The following ESR1 variants were observed in gnomAD, a reference collection of about 807,000 sequenced individuals.
The protein encoded by ESR1 is estrogen receptor.
ESR1 carries 12 observed loss-of-function variants against 52.7 expected under a neutral mutation model. The ratio of observed to expected loss-of-function variants is 0.23; its 90% CI spans 0.15 to 0.37. ESR1 has a LOEUF of 0.37. Among genes scored for constraint, ESR1 ranks in the 10% least tolerant of loss-of-function variants. The pLI, the probability that ESR1 is intolerant of heterozygous loss-of-function variation, is 1.00. For synonymous variants in ESR1, 305 were observed against 316.8 expected (o/e 0.96, Z 0.39); for missense variants, 584 against 779.7 (o/e 0.75, Z 2.99).
intron 3 of ESR1, among the ~76,000 whole-genome samples, chr6:151,909,374 G>T (rs1038511894): frequency 6.6e-6 from 1 of 152,196 alleles, no homozygotes; most frequent in African/African-American, 2.4e-5. Flanking sequence ...ATCTGCTGAG[G>T]CTGGGTAGAG....
At chr6:151,901,090 C>G (rs1228579953) in intron 3 of ESR1, among the ~76,000 whole-genome samples, 1 of 152,142 alleles carries the variant, frequency 6.6e-6, no homozygotes, top group Non-Finnish European at 1.5e-5. Context: ...TGTCTGAGCT[C>G]AGACTCTCCT....
chr6:152,083,922 G>A (rs1172425593), intron 6 of ESR1, among the ~76,000 whole-genome samples: 5 of 152,098 alleles, frequency 3.3e-5, no homozygotes, highest in African/African-American at 7.2e-5. Flanking sequence ...TCATTAGTGG[G>A]TATATACCCA....
At chr6:151,937,641 G>A (rs891207813) in intron 3 of ESR1, among the ~76,000 whole-genome samples, 6 of 152,174 alleles carry the variant, frequency 3.9e-5, no homozygotes, top group Non-Finnish European at 8.8e-5. Context: ...GTAGCATTAA[G>A]TGAACCAGAT....
intron 2 of ESR1, among the ~76,000 whole-genome samples, chr6:151,749,209 G>A (rs1029280243): frequency 1.4e-5 from 2 of 141,488 alleles, no homozygotes; most frequent in East Asian, 2.1e-4. Context: ...AAAAAAAAAA[G>A]CTTGTGGAAA....
At chr6:151,708,286 T>C (rs537391429) in intron 2 of ESR1, among the ~76,000 whole-genome samples, 2 of 152,310 alleles carry the variant, frequency 1.3e-5, no homozygotes, top group South Asian at 4.1e-4. Context: ...TTGCATGCAG[T>C]ATAAATTTAC....
intron 2 of ESR1, among the ~76,000 whole-genome samples, chr6:151,722,402 G>A (rs546217084): frequency 7.7e-4 from 118 of 152,322 alleles, no homozygotes; most frequent in African/African-American, 2.7e-3. Context: ...GAAAGAGCCT[G>A]GCTTAGGGAG....
At chr6:151,710,904 T>C (rs1283106033) in intron 2 of ESR1, among the ~76,000 whole-genome samples, 1 of 152,220 alleles carries the variant, frequency 6.6e-6, no homozygotes, top group East Asian at 1.9e-4. Flanking sequence ...GGCTGCATAG[T>C]ATTCCATGGT....
At chr6:151,923,733 A>G (rs1386785491) in intron 3 of ESR1, among the ~76,000 whole-genome samples, 1 of 152,210 alleles carries the variant, frequency 6.6e-6, no homozygotes, top group African/African-American at 2.4e-5. Context: ...GATTGCTTCT[A>G]AATTCATGGC....
chr6:151,864,517 G>A (rs1789486633), intron 2 of ESR1, among the ~76,000 whole-genome samples: 1 of 152,110 alleles, frequency 6.6e-6, no homozygotes, highest in Admixed American at 6.5e-5. Flanking sequence ...AACCATTGTG[G>A]AAGACAGTGT....
At chr6:151,909,293 A>G (rs774562269) in intron 3 of ESR1, among the ~76,000 whole-genome samples, 4 of 152,182 alleles carry the variant, frequency 2.6e-5, no homozygotes, top group Non-Finnish European at 5.9e-5. Context: ...AAGAGTAGAG[A>G]TGTTTTAGTG....
chr6:152,124,922 T>C (rs2747653), intron 6 of ESR1, among the ~76,000 whole-genome samples: 30,663 of 152,146 alleles, frequency 0.2, 3,105 homozygotes, highest in Non-Finnish European at 0.21. Flanking sequence ...TCTGAGCATT[T>C]ATGTTGGGTT....
intron 2 of ESR1, among the ~76,000 whole-genome samples, chr6:151,771,509 G>T (rs1016389835): frequency 2.0e-5 from 3 of 152,176 alleles, no homozygotes; most frequent in Non-Finnish European, 4.4e-5. Context: ...ACCTTTTGTT[G>T]CTATTTCACC....
At chr6:152,024,038 A>G (rs932939355) in intron 5 of ESR1, among the ~76,000 whole-genome samples, 1 of 152,182 alleles carries the variant, frequency 6.6e-6, no homozygotes, top group Non-Finnish European at 1.5e-5. Flanking sequence ...TTAGGGGTCA[A>G]TTTGGAATTT....
At chr6:151,924,933 G>C (rs1260424698) in intron 3 of ESR1, among the ~76,000 whole-genome samples, 7 of 151,970 alleles carry the variant, frequency 4.6e-5, no homozygotes, top group Non-Finnish European at 1.0e-4. Context: ...ATGTGCATGT[G>C]TCTTTATGGT....
chr6:151,848,540 T>C (rs1785632318), intron 2 of ESR1, among the ~76,000 whole-genome samples: 1 of 152,030 alleles, frequency 6.6e-6, no homozygotes, highest in Non-Finnish European at 1.5e-5. Flanking sequence ...GGACTCACTC[T>C]TGTTCACTTA....
At chr6:151,851,263 A>G (rs1227191312) in intron 2 of ESR1, among the ~76,000 whole-genome samples, 1 of 152,182 alleles carries the variant, frequency 6.6e-6, no homozygotes, top group Non-Finnish European at 1.5e-5. Flanking sequence ...CCTAATCAAA[A>G]GTGACTGTTG....
intron 3 of ESR1, among the ~76,000 whole-genome samples, chr6:151,912,801 C>T (rs1798472128): frequency 6.6e-6 from 1 of 152,176 alleles, no homozygotes; most frequent in Non-Finnish European, 1.5e-5. Context: ...CCATCATTCT[C>T]AGCAAACTAA....
Position 151,891,126 on chromosome 6 carries a change from T to C in ESR1, c.760+10355T>C, listed in dbSNP as rs148611029. Among the ~76,000 whole-genome samples the C allele has an allele frequency of 3.4e-4, 52 of 152,346 alleles. No individual in the cohort carries two copies. The East Asian group carries it at 7.5e-3, about 22-fold the overall frequency. On this transcript the variant is annotated intron_variant, in intron 3 of 7. Transcript: ENST00000206249. The stretch of plus-strand genomic sequence containing the variant: ...ATACCAGGCTATGTTCAACTGTTTA[T>C]AACATAACTTTGATTAATTTTTTAA...
chr6:151,931,183 T>A (rs1196480357), intron 3 of ESR1, among the ~76,000 whole-genome samples: 1 of 152,182 alleles, frequency 6.6e-6, no homozygotes, highest in Non-Finnish European at 1.5e-5. Flanking sequence ...CAATTATGCA[T>A]ATGCTTGTTA....
Sources: gnomAD v4.1 joint callset for allele counts (sites outside exome capture counted in the v4.1 genomes callset) on GRCh38, gnomAD v4.1.1 for gene constraint, MANE v1.5 for transcripts, NCBI Gene and HGNC (gene_info 2026-07-23, HGNC 2026-07-21) for gene names.